The following C14orf39 variants were observed in gnomAD, a reference collection of about 807,000 sequenced individuals.
The protein encoded by C14orf39 is protein SIX6OS1.
Under a neutral mutation model 85.6 loss-of-function variants are expected in C14orf39, and 66 were observed. The ratio of observed to expected loss-of-function variants is 0.77; its 90% CI spans 0.63 to 0.95. The LOEUF (loss-of-function observed/expected upper bound fraction) is 0.95, where lower values mean the gene tolerates loss of function less well. C14orf39 is among the 40% of genes least tolerant of loss of function. The pLI, the probability that C14orf39 is intolerant of heterozygous loss-of-function variation, is 0.00. For missense variants in C14orf39, 735 were observed against 663.9 expected (o/e 1.11, Z -1.18); for synonymous variants, 242 against 214.0 (o/e 1.13, Z -1.14).
intron 16 of C14orf39, among the ~76,000 whole-genome samples, chr14:60,450,797 C>G (rs1414654386): frequency 2.0e-5 from 3 of 152,102 alleles, no homozygotes; most frequent in Admixed American, 2.0e-4. Flanking sequence ...CAGCTCAGCA[C>G]AGAGAGAGAG....
chr14:60,509,576 G>T, intron 1 of C14orf39: 2 of 1,612,926 alleles, frequency 1.2e-6, no homozygotes, highest in Non-Finnish European at 1.7e-6. Flanking sequence ...ACGAGCCATC[G>T]TGGCCTTTCA....
intron 1 of C14orf39, chr14:60,511,337 T>A: frequency 1.4e-6 from 2 of 1,471,156 alleles, no homozygotes; most frequent in African/African-American, 1.4e-5. Context: ...ATGAGAGACC[T>A]GCAAATCCAG....
At chr14:60,490,251 A>C (rs566249567), upstream of C14orf39, among the ~76,000 whole-genome samples, 1 of 152,156 alleles carries the variant, frequency 6.6e-6, no homozygotes, top group African/African-American at 2.4e-5. Context: ...AATCCAAGTC[A>C]GTAATTGCAA....
chr14:60,478,669 T>C (rs1030075203), intron 4 of C14orf39, among the ~76,000 whole-genome samples: 1 of 152,156 alleles, frequency 6.6e-6, no homozygotes, highest in Non-Finnish European at 1.5e-5. Context: ...GGATTGTGTA[T>C]TGCTATTGCA....
intron 1 of C14orf39, 73 bp downstream of exon 1, chr14:60,485,872 C>CCA (rs1475255198): frequency 6.6e-6 from 1 of 152,648 alleles, no homozygotes; most frequent in Non-Finnish European, 1.5e-5. Flanking sequence ...CCCCTCCCAC[C>CCA]CACGCACACG....
intron 1 of C14orf39, chr14:60,510,990 A>G (rs1594632207): frequency 2.2e-6 from 3 of 1,337,320 alleles, no homozygotes; most frequent in South Asian, 1.3e-5. Flanking sequence ...AAGAACCTCT[A>G]GCCGCCGGGC....
rs1256655884 is a variant in C14orf39, at chr14:60,478,295, T to C, written c.323+5A>G. 4 of 1,461,332 alleles carry C rather than the reference T, an allele frequency of 2.7e-6. No individual in the cohort carries two copies. Among genetic ancestry groups the C allele is most frequent in the African/African-American group, 1.4e-5 (1 of 69,906 alleles). 90.5% of individuals were successfully genotyped at this position (1,461,332 alleles called of 1,614,324 possible). ...GAATTGATAAACTTCATATAAGTAC[T>C]ATACTTGTCTTTTTCAACAGTTCCT... On this transcript the variant is annotated splice_donor_5th_base_variant and intron_variant, in intron 5 of 17. Coordinates refer to ENST00000321731, the MANE Select transcript of C14orf39 (RefSeq NM_174978.3).
At chr14:60,471,018 T>C (rs1291445224) in intron 7 of C14orf39, among the ~76,000 whole-genome samples, 1 of 151,964 alleles carries the variant, frequency 6.6e-6, no homozygotes, top group Non-Finnish European at 1.5e-5. Context: ...CTCTGTATCG[T>C]CTTCAGTATT....
chr14:60,497,449 A>G (rs1042549893), intron 2 of C14orf39, among the ~76,000 whole-genome samples: 1 of 152,366 alleles, frequency 6.6e-6, no homozygotes, highest in East Asian at 1.9e-4. Flanking sequence ...ACAGTTTGTC[A>G]TAATGACTAT....
At chr14:60,470,339 C>T (rs1247438574) in intron 7 of C14orf39, among the ~76,000 whole-genome samples, 1 of 151,830 alleles carries the variant, frequency 6.6e-6, no homozygotes, top group Non-Finnish European at 1.5e-5. Context: ...TGACAGTTAA[C>T]AAGAATTCCA....
At position 60,494,635 on chromosome 14, in the gene C14orf39, T is replaced by A. The variant is rs989196688; in HGVS notation, c.-9+4661A>T. The stretch of plus-strand genomic sequence containing the variant: ...TTGCCCTAGCATTGGGAGACTCTGA[T>A]GTGATAGCTTCTGCTTGGTTATTGG... On this transcript the variant is annotated intron_variant, in intron 2 of 5. Coordinates refer to the C14orf39 transcript ENST00000556799. The A allele has an allele frequency of 3.9e-5, 6 of 152,216 alleles. No individual in the cohort carries two copies. The East Asian group carries it at 9.7e-4, about 25-fold the overall frequency. The allele number at this position is 152,216 out of a possible 1,614,324, so 9.4% of individuals were successfully genotyped here.
At chr14:60,508,379 G>C (rs1893236182) in intron 1 of C14orf39, among the ~76,000 whole-genome samples, 1 of 152,180 alleles carries the variant, frequency 6.6e-6, no homozygotes, top group African/African-American at 2.4e-5. Context: ...AACTGGGGGA[G>C]GGGGAGAAAG....
At chr14:60,501,536 G>A (rs1243161676) in intron 1 of C14orf39, among the ~76,000 whole-genome samples, 2 of 152,122 alleles carry the variant, frequency 1.3e-5, no homozygotes, top group Non-Finnish European at 2.9e-5. Context: ...TCAACACCTC[G>A]ATTCAAACTT....
chr14:60,492,852 A>G (rs1893010883), intron 2 of C14orf39, among the ~76,000 whole-genome samples: 1 of 152,174 alleles, frequency 6.6e-6, no homozygotes, highest in Non-Finnish European at 1.5e-5. Flanking sequence ...GCCTGTTCTA[A>G]CTTTGCAGCC....
At chr14:60,509,933 C>T in intron 1 of C14orf39, 1 of 1,610,514 alleles carries the variant, frequency 6.2e-7, no homozygotes, top group East Asian at 2.2e-5. Flanking sequence ...GTTCAAAAAC[C>T]GCCGACAAAG....
Position 60,466,926 on chromosome 14 carries a change from T to C in C14orf39, c.886A>G (p.Arg296Gly). 1 of 1,486,370 alleles carries C rather than the reference T, an allele frequency of 6.7e-7. No homozygotes were observed. 92.1% of individuals were successfully genotyped at this position (1,486,370 alleles called of 1,614,324 possible). A position where few individuals can be genotyped will look rare whatever the true frequency, so the allele number is the denominator to read the frequency against. ...CAAACAGATATTATACCTGCAACTCTTGGTTCTGAAGAATGCATCTTTATT... is the reference window on the plus strand; with the variant it reads ...CAAACAGATATTATACCTGCAACTCCTGGTTCTGAAGAATGCATCTTTATT... ...RPIKMHSSEP[R>G]VADIKEESSA... The change falls in exon 10 of 18, where the codon AGA becomes GGA. Residue 296 changes from arginine (R) to glycine (G), a missense_variant. Arg to Gly is a moderately radical substitution (Grantham distance 125, BLOSUM62 -2). Transcript: ENST00000321731.
chr14:60,492,493 G>C (rs1281811838), intron 2 of C14orf39, among the ~76,000 whole-genome samples: 2 of 152,022 alleles, frequency 1.3e-5, no homozygotes, highest in East Asian at 3.9e-4. Context: ...TGAAGTACGG[G>C]CCCGGCGCAA....
chr14:60,499,461 T>C (rs1453445475), intron 1 of C14orf39: 2 of 152,236 alleles, frequency 1.3e-5, no homozygotes, highest in Admixed American at 6.5e-5. Context: ...AATCAATAAA[T>C]AATTGTGGTA....
intron 4 of C14orf39, among the ~76,000 whole-genome samples, chr14:60,479,667 T>C (rs1328604320): frequency 2.3e-5 from 1 of 42,628 alleles, no homozygotes; most frequent in East Asian, 7.5e-4. Context: ...AATTACTAAA[T>C]TAGCTTAATA....
Sources: allele counts gnomAD v4.1 joint callset (sites outside exome capture counted in the v4.1 genomes callset), GRCh38; gene constraint gnomAD v4.1.1; transcripts MANE v1.5; gene names NCBI Gene and HGNC (gene_info 2026-07-23, HGNC 2026-07-21).